Variants in JAG1 observed in about 807,000 individuals in gnomAD.
JAG1 encodes protein jagged-1.
In JAG1, 23 loss-of-function variants were observed where a neutral mutation model predicts 148.7. That is an observed-to-expected ratio of 0.15 (90% CI 0.11 to 0.22). JAG1 has a LOEUF of 0.22. JAG1 is among the 10% of genes least tolerant of loss of function. JAG1 has a pLI of 1.00. For missense variants in JAG1, 1,054 were observed against 1,611.2 expected (o/e 0.65, Z 5.92); for synonymous variants, 572 against 598.3 (o/e 0.96, Z 0.64).
chr20:10,647,227 C>T, intron 13 of JAG1, 124 bp from the exon 14 acceptor site: 2 of 1,098,666 alleles, frequency 1.8e-6, no homozygotes, highest in Non-Finnish European at 2.7e-6. Flanking sequence ...GAGACACACC[C>T]CAGGGAAGCC....
At chr20:10,651,521 C>T in intron 8 of JAG1, 60 bp downstream of exon 8, 1 of 1,148,388 alleles carries the variant, frequency 8.7e-7, no homozygotes, top group East Asian at 2.4e-5. Flanking sequence ...TACCTCTCCC[C>T]AGCGTGGTAT....
intron 5 of JAG1, 31 bp from the exon 6 acceptor site, chr20:10,652,629 C>T (rs1436845078): frequency 6.2e-7 from 1 of 1,612,590 alleles, no homozygotes; most frequent in East Asian, 2.2e-5. Flanking sequence ...TCCAGGTTAG[C>T]CTTTTGAACG....
rs367553180 is a variant in JAG1 at position 10,658,951 on chromosome 20, A to T, written c.440-229T>A. 1.3e-3 allele frequency among the ~76,000 whole-genome samples: 197 copies of T among 152,316 alleles called. 1 individual carries two copies. In the Middle Eastern group the frequency reaches 0.014, roughly 11 times the overall value. On this transcript the variant is annotated intron_variant, in intron 3 of 25. Coordinates refer to ENST00000254958, the MANE Select transcript of JAG1 (RefSeq NM_000214.3). ...CATTGTCTGGAAACACCAATAAATA[A>T]TTTACCTAGTCCCTGACATGTGTGC...
Position 10,669,547 on chromosome 20 carries a change from C to CAAAAAA in JAG1, c.387+3148_387+3153dup, listed in dbSNP as rs56122797. On this transcript the variant is annotated intron_variant, in intron 2 of 25. Transcript: ENST00000254958. ...AAGAATCACGTTTCATTGGATTTTC[C>CAAAAAA]AAAAAAAAAAAAAAAAAAAAAAAAA... is the stretch of plus-strand genomic sequence containing the variant. Among the ~76,000 whole-genome samples the CAAAAAA allele has an allele frequency of 4.3e-3, 190 of 44,188 alleles. 59 individuals are homozygous for CAAAAAA. The highest frequency in any genetic ancestry group is 8.2e-3 in the African/African-American group (95 of 11,538). 29.0% of individuals were successfully genotyped at this position (44,188 alleles called of 152,430 possible).
In JAG1 at chr20:10,648,643, G is replaced by A. The variant is rs200250528; in HGVS notation, c.1475C>T (p.Ala492Val). 7 of 1,613,928 alleles carry A rather than the reference G, an allele frequency of 4.3e-6. No individual in the cohort carries two copies. The Admixed American group carries it at 1.2e-4, about 27-fold the overall frequency. ...ACCCCCATTCAAACAGGGGTTGCTG[G>A]CACATTCATCGATGTCTCTCTCACA... ...DHCERDIDECASNPCLNGGHC... is the reference protein window; with the variant it reads ...DHCERDIDECVSNPCLNGGHC... The change falls in exon 12 of 26, where the codon GCC becomes GTC. Residue 492 changes from alanine to valine, a missense_variant. This residue lies in a region of JAG1 where 245 missense variants were observed against 373.1 expected (regional missense o/e 0.66). Coordinates refer to ENST00000254958, the MANE Select transcript of JAG1 (RefSeq NM_000214.3).
chr20:10,644,806 G>T, intron 18 of JAG1, 57 bp downstream of exon 18: 1 of 1,215,310 alleles, frequency 8.2e-7, no homozygotes, highest in Admixed American at 1.7e-5. Context: ...AAGTCCCCAA[G>T]GGTGTCAGGA....
chr20:10,644,249 A>T (rs957063994), intron 19 of JAG1, 108 bp downstream of exon 19: 5 of 1,045,912 alleles, frequency 4.8e-6, no homozygotes, highest in Non-Finnish European at 5.8e-6. Context: ...CAGAACTTGC[A>T]TTTTAAACAC....
rs1287326735 is a variant in JAG1 at position 10,657,373 on chromosome 20, CAAAA to C, written c.695-919_695-916del. Reference sequence around the variant, plus strand: ...CTTAAAAAAAAAAAAAAACACCAAACAAAAAACCCACACTAAGTGTTAGGTCGTT... The same window carrying C: ...CTTAAAAAAAAAAAAAAACACCAAACAACCCACACTAAGTGTTAGGTCGTT... On this transcript the variant is annotated intron_variant, in intron 4 of 25. Transcript: ENST00000254958. 2.0e-5 allele frequency among the ~76,000 whole-genome samples: 3 copies of C among 147,046 alleles called. No individual in the cohort carries two copies. In the East Asian group the frequency reaches 6.0e-4, roughly 30 times the overall value.
At chr20:10,644,279 C>CACAA in intron 19 of JAG1, 78 bp downstream of exon 19, 1 of 593,696 alleles carries the variant, frequency 1.7e-6, no homozygotes. Context: ...GTGATTCTCA[C>CACAA]ACACACACAC....
rs76730346 is a variant in JAG1, at chr20:10,656,111, A to G, written c.755+287T>C. On this transcript the variant is annotated intron_variant, in intron 5 of 25. Coordinates refer to ENST00000254958, the MANE Select transcript of JAG1 (RefSeq NM_000214.3). Reference sequence around the variant, plus strand: ...TCCCTCCATCTAGCCCATCAGCACTATAAGGGAAGATTATAAAAATGTGTT... The same window carrying G: ...TCCCTCCATCTAGCCCATCAGCACTGTAAGGGAAGATTATAAAAATGTGTT... 0.068 allele frequency among the ~76,000 whole-genome samples: 10,415 copies of G among 152,302 alleles called. 393 individuals are homozygous for G. Among genetic ancestry groups the G allele is most frequent in the Admixed American group, 0.093 (1,428 of 15,306 alleles).
At chr20:10,654,782 C>T (rs561618874) in intron 5 of JAG1, among the ~76,000 whole-genome samples, 7 of 152,210 alleles carry the variant, frequency 4.6e-5, no homozygotes, top group South Asian at 4.2e-4. Flanking sequence ...GGTGGGACTT[C>T]GAAAGAGAAA....
At chr20:10,669,037 A>AAT (rs1555830593) in intron 2 of JAG1, among the ~76,000 whole-genome samples, 159 of 151,370 alleles carry the variant, frequency 1.1e-3, no homozygotes, top group African/African-American at 3.5e-3. Flanking sequence ...GAGAAAAAAA[A>AAT]ATTAGAAACC....
At chr20:10,659,474 G>C (rs1391804955) in intron 3 of JAG1, among the ~76,000 whole-genome samples, 1 of 149,758 alleles carries the variant, frequency 6.7e-6, no homozygotes, top group African/African-American at 2.5e-5. Context: ...AATCATTTCT[G>C]GTTTTAGGGT....
At chr20:10,659,176 C>CTGGGTGTA (rs2067397518) in intron 3 of JAG1, among the ~76,000 whole-genome samples, 1 of 152,334 alleles carries the variant, frequency 6.6e-6, no homozygotes, top group South Asian at 2.1e-4. Context: ...GCTGTGTTTC[C>CTGGGTGTA]CAATAACACT....
intron 2 of JAG1, 83 bp from the exon 3 acceptor site, chr20:10,664,097 C>A: frequency 9.5e-7 from 1 of 1,051,036 alleles, no homozygotes; most frequent in Non-Finnish European, 1.5e-6. Context: ...TCCCAGAATA[C>A]CCCACCAAAC....
At chr20:10,657,566 G>A (rs2122622212) in intron 4 of JAG1, among the ~76,000 whole-genome samples, 1 of 152,212 alleles carries the variant, frequency 6.6e-6, no homozygotes, top group South Asian at 2.1e-4. Context: ...CTCTCTCATG[G>A]TTGAAAAACT....
intron 2 of JAG1, among the ~76,000 whole-genome samples, 183 bp from the exon 3 acceptor site, chr20:10,664,197 G>C (rs1327645724): frequency 6.6e-6 from 1 of 152,190 alleles, no homozygotes; most frequent in South Asian, 2.1e-4. Context: ...TCCTTTGTCA[G>C]CACTCTTCCC....
chr20:10,660,386 C>T (rs930579512), intron 3 of JAG1, among the ~76,000 whole-genome samples: 2 of 152,180 alleles, frequency 1.3e-5, no homozygotes, highest in Admixed American at 6.5e-5. Flanking sequence ...AATGTCTCTC[C>T]ATTAACTATG....
At chr20:10,671,130 A>T (rs564794114) in intron 2 of JAG1, among the ~76,000 whole-genome samples, 29 of 152,280 alleles carry the variant, frequency 1.9e-4, no homozygotes, top group African/African-American at 6.7e-4. Flanking sequence ...GGAGGGTGGA[A>T]CCACCTGCAG....
Sources: allele counts gnomAD v4.1 joint callset (sites outside exome capture counted in the v4.1 genomes callset), GRCh38; gene constraint gnomAD v4.1.1; regional missense constraint gnomAD v4.1.1; transcripts MANE v1.5; gene names NCBI Gene and HGNC (gene_info 2026-07-23, HGNC 2026-07-21).